BSN: variants seen among roughly 807,000 people sequenced by gnomAD.
The protein encoded by BSN is bassoon presynaptic cytomatrix protein.
Under a neutral mutation model 264.8 loss-of-function variants are expected in BSN, and 57 were observed. The observed-to-expected ratio is 0.22, with a 90% CI of 0.17 to 0.27. The LOEUF is 0.27. BSN is among the 10% of genes least tolerant of loss of function. The pLI is 1.00. For missense variants in BSN, 4,615 were observed against 5,232.5 expected (o/e 0.88, Z 3.64); for synonymous variants, 2,059 against 2,137.3 (o/e 0.96, Z 1.01).
intron 1 of BSN, among the ~76,000 whole-genome samples, chr3:49,605,307 A>T (rs1313211247): frequency 1.0e-5 from 1 of 98,798 alleles, no homozygotes; most frequent in Non-Finnish European, 1.9e-5. Context: ...TATATTATAT[A>T]TTATATTATA....
chr3:49,605,986 TA>T (rs1352722362), intron 1 of BSN, among the ~76,000 whole-genome samples: 175 of 92,096 alleles, frequency 1.9e-3, no homozygotes, highest in Admixed American at 4.2e-3. Flanking sequence ...TTTATATAAA[TA>T]AAAAATATAT....
rs756624609 is a variant in BSN, at chr3:49,653,134, G to A, written c.3578G>A (p.Arg1193His). ...GAGGAGGCTTATGAGGAGATGATGC[G>A]CAAAGCTGAGCTGCTCCAGAGGCAG... ...SAEEAYEEMMRKAELLQRQQG... is the reference protein window; with the variant it reads ...SAEEAYEEMMHKAELLQRQQG... The change falls in exon 5 of 12, where the codon CGC becomes CAC. Residue 1193 changes from arginine (R) to histidine (H), a missense_variant. Physicochemically the swap from Arg to His is conservative, Grantham distance 29. Around this residue, in one of 3 missense-constraint regions of BSN, gnomAD observed 3,415 missense variants for 3,866.4 expected, o/e 0.88. Transcript: ENST00000296452. The surrounding 1 kb of genome is among the most constrained non-coding windows in gnomAD (Gnocchi z 6.3). 1.6e-5 allele frequency: 26 copies of A among 1,613,192 alleles called. No homozygotes were observed. In the East Asian group the frequency reaches 2.2e-4, roughly 14 times the overall value.
At chr3:49,631,101 G>C (rs867077891) in intron 2 of BSN, among the ~76,000 whole-genome samples, 1 of 152,126 alleles carries the variant, frequency 6.6e-6, no homozygotes, top group Non-Finnish European at 1.5e-5. Flanking sequence ...TGGAGAAACA[G>C]GTAGAAATGA....
chr3:49,614,084 G>A (rs2052236551), intron 1 of BSN, among the ~76,000 whole-genome samples: 1 of 139,952 alleles, frequency 7.1e-6, no homozygotes, highest in South Asian at 2.3e-4. Flanking sequence ...TTGTGAGACG[G>A]AGTCTCGCTC....
intron 1 of BSN, among the ~76,000 whole-genome samples, chr3:49,605,681 AAT>A (rs2052125657): frequency 1.7e-5 from 1 of 58,892 alleles, no homozygotes; most frequent in African/African-American, 7.1e-5. Flanking sequence ...ACATATATGT[AAT>A]ATATATTATA....
chr3:49,649,974 A>T (rs1222321394), intron 3 of BSN, among the ~76,000 whole-genome samples: 1 of 152,206 alleles, frequency 6.6e-6, no homozygotes, highest in Non-Finnish European at 1.5e-5. Context: ...TGCTGGCCTT[A>T]GACAAGGTGA....
intron 2 of BSN, among the ~76,000 whole-genome samples, chr3:49,629,627 G>A (rs1438761570): frequency 6.6e-6 from 1 of 152,358 alleles, no homozygotes; most frequent in East Asian, 1.9e-4. Flanking sequence ...TCCCAGGAGT[G>A]ACTGCGGTGC....
chr3:49,574,543 C>T (rs544285197), intron 1 of BSN, among the ~76,000 whole-genome samples: 5 of 151,956 alleles, frequency 3.3e-5, no homozygotes, highest in African/African-American at 2.4e-5. Flanking sequence ...AAGCGAGTCT[C>T]CTGCCTCAGC....
intron 2 of BSN, among the ~76,000 whole-genome samples, chr3:49,626,840 C>G (rs1398207326): frequency 6.6e-6 from 1 of 152,216 alleles, no homozygotes; most frequent in Non-Finnish European, 1.5e-5. Flanking sequence ...TAAGGAAGAG[C>G]CACACATGGT....
Position 49,656,670 on chromosome 3 carries a change from C to T in BSN, c.7114C>T (p.Leu2372=). ...EERQRKQQEQ[L]LQLERERVEL... ...GAGGCAGCGGAAGCAACAGGAGCAG[C>T]TGCTCCAGCTAGAGCGGGAGCGGGT... is the stretch of plus-strand genomic sequence containing the variant. Residue 2372 remains leucine (L), a synonymous_variant, in exon 5 of 12, where the codon CTG becomes TTG. Coordinates refer to ENST00000296452, the MANE Select transcript of BSN (RefSeq NM_003458.4). The T allele has an allele frequency of 6.2e-7, 1 of 1,604,510 alleles. No individual in the cohort carries two copies. The highest frequency in any genetic ancestry group is 8.5e-7 in the Non-Finnish European group (1 of 1,175,566).
chr3:49,622,822 TG>T (rs1371338683), intron 1 of BSN, among the ~76,000 whole-genome samples: 3 of 152,234 alleles, frequency 2.0e-5, no homozygotes, highest in Non-Finnish European at 4.4e-5. Context: ...ACTGATGCTG[TG>T]GCCACCACCA....
chr3:49,624,858 TG>T, intron 1 of BSN, 116 bp from the exon 2 acceptor site: 2 of 953,644 alleles, frequency 2.1e-6, no homozygotes, highest in Non-Finnish European at 1.5e-6. Context: ...ATGATTCTTC[TG>T]GGCAGGAGGA....
At chr3:49,575,068 C>T (rs913825391) in intron 1 of BSN, among the ~76,000 whole-genome samples, 4 of 151,942 alleles carry the variant, frequency 2.6e-5, no homozygotes, top group Non-Finnish European at 4.4e-5. Flanking sequence ...CAAGTAAGGC[C>T]GGGCGTGATG....
At chr3:49,626,516 G>A (rs2052342118) in intron 2 of BSN, among the ~76,000 whole-genome samples, 1 of 152,182 alleles carries the variant, frequency 6.6e-6, no homozygotes, top group Non-Finnish European at 1.5e-5. Context: ...CTCCTGGAGT[G>A]TGGGGGCTTC....
downstream of BSN, among the ~76,000 whole-genome samples, chr3:49,672,912 T>G (rs6767878): frequency 2.7e-5 from 4 of 149,422 alleles, no homozygotes; most frequent in Non-Finnish European, 1.5e-5. Flanking sequence ...CCCGAGTAAC[T>G]GGGACTACAG....
intron 2 of BSN, among the ~76,000 whole-genome samples, chr3:49,629,793 C>T (rs905532844): frequency 1.1e-4 from 16 of 152,200 alleles, no homozygotes; most frequent in Non-Finnish European, 1.3e-4. Flanking sequence ...GGTCCATCTG[C>T]CTCCCACCAC....
chr3:49,637,406 G>A (rs954744081), intron 2 of BSN, among the ~76,000 whole-genome samples: 8 of 152,182 alleles, frequency 5.3e-5, no homozygotes, highest in African/African-American at 1.9e-4. Context: ...TGAGGGCTGA[G>A]ACACTCTGTG....
At chr3:49,605,323 AT>A (rs2052104818) in intron 1 of BSN, among the ~76,000 whole-genome samples, 1 of 96,472 alleles carries the variant, frequency 1.0e-5, no homozygotes, top group Non-Finnish European at 1.9e-5. Flanking sequence ...TTATATATAT[AT>A]ATTTATAAAT....
At position 49,654,931 on chromosome 3, in the gene BSN, G is replaced by T. The variant is rs774808019; in HGVS notation, c.5375G>T (p.Gly1792Val). 3.5e-5 allele frequency: 57 copies of T among 1,611,646 alleles called. No homozygotes were observed. The South Asian group carries it at 5.6e-4, about 16-fold the overall frequency. The change falls in exon 5 of 12, where the codon GGA (glycine) becomes GTA (valine). Residue 1792 changes from glycine to valine, a missense_variant. By Grantham distance (109) the Gly-to-Val change is moderately radical. This residue lies in a region of BSN where 3,415 missense variants were observed against 3,866.4 expected (regional missense o/e 0.88). Coordinates refer to ENST00000296452, the MANE Select transcript of BSN (RefSeq NM_003458.4). This position sits in a 1 kb window ranked among gnomAD's most constrained non-coding sequence, Gnocchi z 4.1. Reference sequence around the variant, plus strand: ...GCCCCATACCGAAGTGGGCCCCGGGGAAGACCCAGGGAGGCCAAGTTTGCC... The same window carrying T: ...GCCCCATACCGAAGTGGGCCCCGGGTAAGACCCAGGGAGGCCAAGTTTGCC... ...QTAPYRSGPR[G>V]RPREAKFARY...
Sources: allele counts gnomAD v4.1 joint callset (sites outside exome capture counted in the v4.1 genomes callset), GRCh38; gene constraint gnomAD v4.1.1; regional missense constraint gnomAD v4.1.1; non-coding constraint Gnocchi (gnomAD v3.1); transcripts MANE v1.5; gene names NCBI Gene and HGNC (gene_info 2026-07-23, HGNC 2026-07-21).